The following COL22A1 variants were observed in gnomAD, a reference collection of about 807,000 sequenced individuals.
The protein encoded by COL22A1 is collagen type XXII alpha 1 chain.
A neutral mutation model predicts 248.9 loss-of-function variants in COL22A1; 221 were observed. That is an observed-to-expected ratio of 0.89 (90% CI 0.80 to 0.99). The LOEUF is 0.99. Among genes scored for constraint, COL22A1 ranks in the 50% least tolerant of loss-of-function variants. COL22A1 has a pLI of 0.00. For synonymous variants in COL22A1, 891 were observed against 793.4 expected (o/e 1.12, Z -2.07); for missense variants, 2,240 against 2,179.0 (o/e 1.03, Z -0.56).
At chr8:138,665,102 T>C (rs375975377) in intron 41 of COL22A1, among the ~76,000 whole-genome samples, 8 of 152,178 alleles carry the variant, frequency 5.3e-5, no homozygotes, top group African/African-American at 1.9e-4. Context: ...CAGAGCTGTC[T>C]AATAATAAAA....
Position 138,676,602 on chromosome 8 carries a change from G to A in COL22A1, c.3106C>T (p.Pro1036Ser), listed in dbSNP as rs1417234590. The A allele has an allele frequency of 6.4e-7, 1 of 1,568,674 alleles. No individual in the cohort carries two copies. The highest frequency in any genetic ancestry group is 1.2e-5 in the South Asian group (1 of 85,202). Residue 1036 changes from proline (P) to serine (S), a missense_variant, in exon 41 of 65, where the codon CCT becomes TCT. Physicochemically the swap from Pro to Ser is moderately conservative, Grantham distance 74. Coordinates refer to ENST00000303045, the MANE Select transcript of COL22A1 (RefSeq NM_152888.3). Reference sequence around the variant, plus strand: ...ATGCCTGGGTCACCACGGCTGCCAGGAGAACCAGGGATCCCAGGAGCTCCT... The same window carrying A: ...ATGCCTGGGTCACCACGGCTGCCAGAAGAACCAGGGATCCCAGGAGCTCCT... ...DRGAPGIPGS[P>S]GSRGDPGIGV... is the part of the protein sequence containing the mutation.
chr8:138,670,234 C>T (rs2130762247), intron 41 of COL22A1, among the ~76,000 whole-genome samples: 1 of 152,306 alleles, frequency 6.6e-6, no homozygotes, highest in Middle Eastern at 3.4e-3. Context: ...CGTGGCTCAG[C>T]TCCTGGTTAT....
At chr8:138,854,817 GTGA>G (rs1287070672) in intron 3 of COL22A1, among the ~76,000 whole-genome samples, 1 of 152,098 alleles carries the variant, frequency 6.6e-6, no homozygotes, top group Non-Finnish European at 1.5e-5. Context: ...GATGATGATG[GTGA>G]TGATGGTGAC....
chr8:138,879,525 G>A (rs1038856728), intron 2 of COL22A1, among the ~76,000 whole-genome samples: 3 of 151,696 alleles, frequency 2.0e-5, no homozygotes, highest in African/African-American at 4.8e-5. Flanking sequence ...AACCCCGTCT[G>A]TACTAAAAAT....
At chr8:138,660,006 C>T (rs192465236) in intron 44 of COL22A1, among the ~76,000 whole-genome samples, 7 of 152,332 alleles carry the variant, frequency 4.6e-5, no homozygotes, top group African/African-American at 1.7e-4. Context: ...TTTCACCCTT[C>T]TCTGTCCCGT....
At chr8:138,792,622 A>G (rs901903983) in intron 12 of COL22A1, among the ~76,000 whole-genome samples, 2 of 152,242 alleles carry the variant, frequency 1.3e-5, no homozygotes, top group African/African-American at 2.4e-5. Flanking sequence ...ACTGATCCTC[A>G]TACTTGGAGA....
chr8:138,780,427 G>C (rs1220016242), intron 13 of COL22A1, among the ~76,000 whole-genome samples: 1 of 152,190 alleles, frequency 6.6e-6, no homozygotes, highest in Non-Finnish European at 1.5e-5. Flanking sequence ...AGAGGAGACT[G>C]ACCCACCGAA....
chr8:138,792,739 A>C (rs1283967742), intron 12 of COL22A1, among the ~76,000 whole-genome samples: 1 of 152,114 alleles, frequency 6.6e-6, no homozygotes, highest in African/African-American at 2.4e-5. Flanking sequence ...ACATCAGCTA[A>C]TGAGAGTGTG....
At position 138,802,835 on chromosome 8, in the gene COL22A1, G is replaced by T. The variant is rs1404216778; in HGVS notation, c.1557+37C>A. The T allele has an allele frequency of 2.4e-5, 38 of 1,566,700 alleles. No individual in the cohort carries two copies. In the East Asian group the frequency reaches 8.3e-4, roughly 34 times the overall value. ...GCCCTGGGTCCCCCACGCCCGCCCT[G>T]AGGTTCAGCCATGTAGAGGAGCAGC... On this transcript the variant is annotated intron_variant, in intron 11 of 64. Coordinates refer to ENST00000303045, the MANE Select transcript of COL22A1 (RefSeq NM_152888.3).
At chr8:138,748,380 T>C (rs987745344) in intron 22 of COL22A1, among the ~76,000 whole-genome samples, 6 of 152,124 alleles carry the variant, frequency 3.9e-5, no homozygotes, top group Admixed American at 1.3e-4. Context: ...TGTCTGTGCA[T>C]CACAAGAAGT....
intron 36 of COL22A1, 85 bp from the exon 37 acceptor site, chr8:138,689,055 C>G (rs1826602418): frequency 9.1e-7 from 1 of 1,094,924 alleles, no homozygotes. Context: ...GAAGAATCAT[C>G]AGGTCCCCCT....
chr8:138,895,215 G>A (rs1245051018), intron 1 of COL22A1, among the ~76,000 whole-genome samples: 1 of 151,976 alleles, frequency 6.6e-6, no homozygotes, highest in Non-Finnish European at 1.5e-5. Context: ...AAATTAAATA[G>A]AATCCAGAGT....
chr8:138,704,946 G>T (rs1435455407), intron 30 of COL22A1, among the ~76,000 whole-genome samples: 1 of 152,186 alleles, frequency 6.6e-6, no homozygotes, highest in Non-Finnish European at 1.5e-5. Context: ...ATAACCTGAT[G>T]GAGCTGAAAA....
In COL22A1 at chr8:138,818,146, A is replaced by G. The variant is rs77010749; in HGVS notation, c.1245+2990T>C. On this transcript the variant is annotated intron_variant, in intron 7 of 64. Coordinates refer to ENST00000303045, the MANE Select transcript of COL22A1 (RefSeq NM_152888.3). Reference sequence around the variant, plus strand: ...TTCGTTATTCCCTCTGAGCCTCCGTATCCTTGTCTGTAGAGTAAATGAGGG... The same window carrying G: ...TTCGTTATTCCCTCTGAGCCTCCGTGTCCTTGTCTGTAGAGTAAATGAGGG... Among the ~76,000 whole-genome samples, 64 of 152,224 alleles carry G rather than the reference A, an allele frequency of 4.2e-4. No homozygotes were observed. The East Asian group carries it at 0.011, about 27-fold the overall frequency.
At chr8:138,655,804 AGTT>A in intron 45 of COL22A1, 90 bp downstream of exon 45, 7 of 1,033,648 alleles carry the variant, frequency 6.8e-6, no homozygotes, top group Non-Finnish European at 1.5e-6. Flanking sequence ...ACTACCAAAT[AGTT>A]GTTCAAAAAA....
At chr8:138,786,477 C>T (rs1217093664) in intron 12 of COL22A1, among the ~76,000 whole-genome samples, 2 of 152,198 alleles carry the variant, frequency 1.3e-5, no homozygotes, top group Non-Finnish European at 1.5e-5. Flanking sequence ...GTCAACCTAA[C>T]TCAAATATTT....
chr8:138,843,434 G>A (rs778403837), intron 4 of COL22A1, among the ~76,000 whole-genome samples: 12 of 152,202 alleles, frequency 7.9e-5, no homozygotes, highest in Admixed American at 2.0e-4. Context: ...CTGTTCTGCA[G>A]TGGCTTCCTG....
chr8:138,655,607 T>A (rs1442968587), intron 45 of COL22A1, among the ~76,000 whole-genome samples: 1 of 152,122 alleles, frequency 6.6e-6, no homozygotes, highest in Non-Finnish European at 1.5e-5. Context: ...GCTCAGGGCT[T>A]AAGCTATCCC....
chr8:138,771,054 G>C (rs1834325202), intron 16 of COL22A1, among the ~76,000 whole-genome samples: 2 of 152,222 alleles, frequency 1.3e-5, no homozygotes, highest in Admixed American at 6.5e-5. Context: ...ATTCTGCACA[G>C]GTCACACTGC....
Sources: gnomAD v4.1 joint callset for allele counts (sites outside exome capture counted in the v4.1 genomes callset) on GRCh38, gnomAD v4.1.1 for gene constraint, MANE v1.5 for transcripts, NCBI Gene and HGNC (gene_info 2026-07-23, HGNC 2026-07-21) for gene names.